Variants in ITGAV observed in about 807,000 individuals in gnomAD.
ITGAV encodes integrin alpha-V.
Under a neutral mutation model 143.8 loss-of-function variants are expected in ITGAV, and 76 were observed. The observed-to-expected ratio is 0.53, with a 90% CI of 0.44 to 0.64. ITGAV has a LOEUF of 0.64. Ranked by LOEUF, ITGAV falls within the 30% of genes least tolerant of loss-of-function variation. The pLI, the probability that ITGAV is intolerant of heterozygous loss-of-function variation, is 0.00. For missense variants in ITGAV, 1,193 were observed against 1,274.7 expected, an observed-to-expected ratio of 0.94 and a Z score of 0.98; for synonymous variants, 453 against 446.7, an observed-to-expected ratio of 1.01 and a Z score of -0.18.
At chr2:186,597,974 G>T (rs543813500) in intron 1 of ITGAV, among the ~76,000 whole-genome samples, 18 of 152,182 alleles carry the variant, frequency 1.2e-4, no homozygotes, top group Non-Finnish European at 1.6e-4. Context: ...AGTGATTTTT[G>T]CTTGTAGGTT....
At chr2:186,595,111 A>G (rs1574456272) in intron 1 of ITGAV, among the ~76,000 whole-genome samples, 3 of 152,368 alleles carry the variant, frequency 2.0e-5, no homozygotes, top group Admixed American at 2.0e-4. Flanking sequence ...CTGGAATTGT[A>G]GCTTTGAAAT....
chr2:186,591,420 A>G (rs990116816), intron 1 of ITGAV, among the ~76,000 whole-genome samples: 2 of 152,158 alleles, frequency 1.3e-5, no homozygotes, highest in African/African-American at 4.8e-5. Flanking sequence ...TACTGTTTTA[A>G]TGAATGTTGA....
intron 3 of ITGAV, among the ~76,000 whole-genome samples, chr2:186,624,183 G>A (rs751281263): frequency 3.9e-5 from 6 of 152,098 alleles, no homozygotes; most frequent in Non-Finnish European, 8.8e-5. Context: ...TCCTCTGCTT[G>A]TATAAGTTGT....
At chr2:186,629,427 C>T (rs565476601) in intron 4 of ITGAV, among the ~76,000 whole-genome samples, 2 of 151,882 alleles carry the variant, frequency 1.3e-5, no homozygotes, top group Non-Finnish European at 2.9e-5. Flanking sequence ...AATAAATAGC[C>T]GACTTGCTCT....
rs973738064 is a variant in ITGAV, at chr2:186,650,022, C to T, written c.1397+137C>T. The stretch of plus-strand genomic sequence containing the variant: ...ATTTGCTCTTTCTATTCATGATTTG[C>T]TATGGGCAAATAGTATTATTTTTAT... On this transcript the variant is annotated intron_variant, in intron 14 of 29. Transcript: ENST00000261023. The T allele has an allele frequency of 3.3e-5, 19 of 568,248 alleles. No homozygotes were observed. The African/African-American group carries it at 3.6e-4, about 11-fold the overall frequency. The allele number at this position is 568,248 out of a possible 1,614,324, so 35.2% of individuals were successfully genotyped here.
intron 18 of ITGAV, among the ~76,000 whole-genome samples, chr2:186,662,121 A>T (rs1688764664): frequency 6.6e-6 from 1 of 152,146 alleles, no homozygotes; most frequent in African/African-American, 2.4e-5. Flanking sequence ...TATTTTATAC[A>T]TATGTCTCAT....
chr2:186,665,285 C>A, intron 21 of ITGAV, 67 bp downstream of exon 21: 1 of 1,006,974 alleles, frequency 9.9e-7, no homozygotes, highest in South Asian at 1.4e-5. Context: ...TGTCTGGGCT[C>A]ATAGTAATTT....
chr2:186,630,452 A>G (rs1236332401), intron 4 of ITGAV, among the ~76,000 whole-genome samples: 2 of 151,928 alleles, frequency 1.3e-5, no homozygotes, highest in Non-Finnish European at 2.9e-5. Flanking sequence ...TTTAAGTTGT[A>G]TCTATATATT....
chr2:186,667,685 A>T lies in ITGAV; in HGVS notation c.2342A>T (p.Asp781Val). Reference sequence around the variant, plus strand: ...TCATTGTTTAGAGTCTCGAGTCCTGATCATGTCTTTCTTCCGATTCCAAAC... The same window carrying T: ...TCATTGTTTAGAGTCTCGAGTCCTGTTCATGTCTTTCTTCCGATTCCAAAC... ...AVEIRGVSSP[D>V]HVFLPIPNWE... Residue 781 changes from aspartate to valine, a missense_variant, in exon 24 of 30, where the codon GAT becomes GTT. Asp to Val is a radical substitution (Grantham distance 152, BLOSUM62 -3). Transcript: ENST00000261023. 6.2e-7 allele frequency: 1 copy of T among 1,602,802 alleles called. No individual in the cohort carries two copies.
intron 2 of ITGAV, among the ~76,000 whole-genome samples, chr2:186,619,247 T>C (rs2105681617): frequency 6.6e-6 from 1 of 151,994 alleles, no homozygotes; most frequent in South Asian, 2.1e-4. Flanking sequence ...GTCCTGTCAT[T>C]TATGGCAACA....
Position 186,638,291 on chromosome 2 carries a change from G to A in ITGAV, c.817G>A (p.Val273Ile), listed in dbSNP as rs200557809. The A allele has an allele frequency of 1.4e-5, 23 of 1,613,840 alleles. No individual in the cohort carries two copies. The highest frequency in any genetic ancestry group is 1.9e-5 in the Non-Finnish European group (22 of 1,179,908). Residue 273 changes from valine (V) to isoleucine (I), a missense_variant, in exon 9 of 30, where the codon GTT becomes ATT. Coordinates refer to ENST00000261023, the MANE Select transcript of ITGAV (RefSeq NM_002210.5). ...GTTTGTTTCAGACTTTGTTTCAGGA[G>A]TTCCAAGAGCAGCAAGGACTTTGGG... ...GDGIDDFVSG[V>I]PRAARTLGMV...
At chr2:186,608,150 A>G (rs1374654030) in intron 2 of ITGAV, among the ~76,000 whole-genome samples, 1 of 152,190 alleles carries the variant, frequency 6.6e-6, no homozygotes, top group Non-Finnish European at 1.5e-5. Flanking sequence ...AAGTTCATGT[A>G]AGGATTCTCA....
intron 1 of ITGAV, among the ~76,000 whole-genome samples, chr2:186,598,292 TATACACACAC>T (rs1686802301): frequency 2.3e-5 from 1 of 43,744 alleles, no homozygotes; most frequent in African/African-American, 6.7e-5. Flanking sequence ...TATTATAATT[TATACACACAC>T]ACACACACAC....
chr2:186,644,678 G>A (rs1688203301), intron 12 of ITGAV, among the ~76,000 whole-genome samples: 1 of 151,970 alleles, frequency 6.6e-6, no homozygotes. Flanking sequence ...CATAAGTTAG[G>A]TACTCATTTT....
chr2:186,675,855 G>A lies in ITGAV; in HGVS notation c.2856G>A (p.Ser952=), dbSNP rs769295279. ...ENQNHSYSLK[S]SASFNVIEFP... ...AGAATCATTCCTATTCTCTGAAGTC[G>A]TCTGCTTCATTTAATGTCATAGAGT... Residue 952 remains serine, a synonymous_variant, in exon 28 of 30, where the codon TCG becomes TCA. Transcript: ENST00000261023. The A allele has an allele frequency of 1.1e-5, 17 of 1,608,328 alleles. No individual in the cohort carries two copies. Among genetic ancestry groups the A allele is most frequent in the Admixed American group, 5.0e-5 (3 of 59,562 alleles).
chr2:186,594,264 G>A (rs1028978182), intron 1 of ITGAV, among the ~76,000 whole-genome samples: 9 of 152,172 alleles, frequency 5.9e-5, no homozygotes, highest in African/African-American at 2.2e-4. Flanking sequence ...ACCAAGAGAT[G>A]TTAGTTGCAC....
At chr2:186,598,123 T>G (rs1686797129) in intron 1 of ITGAV, among the ~76,000 whole-genome samples, 1 of 152,126 alleles carries the variant, frequency 6.6e-6, no homozygotes, top group Admixed American at 6.6e-5. Context: ...CAAGCACTAT[T>G]CAAGATATTG....
Position 186,649,894 on chromosome 2 carries a change from T to TAAATAA in ITGAV, c.1397+9_1397+10insAAATAA. 6.9e-7 allele frequency: 1 copy of TAAATAA among 1,447,632 alleles called. No homozygotes were observed. Among genetic ancestry groups the TAAATAA allele is most frequent in the Non-Finnish European group, 9.2e-7 (1 of 1,087,722 alleles). The allele number at this position is 1,447,632 out of a possible 1,614,324, so 89.7% of individuals were successfully genotyped here. ...CGAGCTATCTTATACAGGTGAGCATTTTCTGTATCCTGCGGTATAGGAATA... is the reference window on the plus strand; with the variant it reads ...CGAGCTATCTTATACAGGTGAGCATTAAATAATTCTGTATCCTGCGGTATAGGAATA... On this transcript the variant is annotated intron_variant, in intron 14 of 29. Coordinates refer to ENST00000261023, the MANE Select transcript of ITGAV (RefSeq NM_002210.5).
At chr2:186,590,735 C>CA (rs1287893398) in intron 1 of ITGAV, among the ~76,000 whole-genome samples, 8 of 152,348 alleles carry the variant, frequency 5.3e-5, no homozygotes, top group Non-Finnish European at 7.3e-5. Context: ...CCCCGCTTCT[C>CA]ACCTCTTAAA....
Sources: gnomAD v4.1 joint callset for allele counts (sites outside exome capture counted in the v4.1 genomes callset) on GRCh38, gnomAD v4.1.1 for gene constraint, MANE v1.5 for transcripts, NCBI Gene and HGNC (gene_info 2026-07-23, HGNC 2026-07-21) for gene names.